The following TOPBP1 variants were observed in gnomAD, a reference collection of about 807,000 sequenced individuals.
TOPBP1 encodes the protein DNA topoisomerase II binding protein 1.
Under a neutral mutation model 167.7 loss-of-function variants are expected in TOPBP1, and 28 were observed. The observed-to-expected ratio is 0.17, with a 90% CI of 0.12 to 0.23. TOPBP1 has a LOEUF of 0.23. Ranked by LOEUF, TOPBP1 falls within the 10% of genes least tolerant of loss-of-function variation. The pLI, the probability that TOPBP1 is intolerant of heterozygous loss-of-function variation, is 1.00. For missense variants in TOPBP1, 1,554 were observed against 1,809.6 expected (o/e 0.86, Z 2.56); for synonymous variants, 598 against 611.4 (o/e 0.98, Z 0.32).
Position 133,658,961 on chromosome 3 carries a change from G to GC in TOPBP1, c.219+54dup, listed in dbSNP as rs1226717652. ...CCGCAAAGAATGTATGTCCATTAAA[G>GC]CAAAGATAAACCAAAAAATAGACTA... On this transcript the variant is annotated intron_variant, in intron 3 of 27. Coordinates refer to ENST00000260810, the MANE Select transcript of TOPBP1 (RefSeq NM_007027.4). 1.8e-5 allele frequency: 27 copies of GC among 1,521,236 alleles called. No individual in the cohort carries two copies. In the Middle Eastern group the frequency reaches 6.9e-4, roughly 39 times the overall value. The allele number at this position is 1,521,236 out of a possible 1,614,324, so 94.2% of individuals were successfully genotyped here. A position where few individuals can be genotyped will look rare whatever the true frequency, so the allele number is the denominator to read the frequency against.
chr3:133,628,326 T>C (rs1935335531), intron 16 of TOPBP1, 36 bp downstream of exon 16: 3 of 1,541,858 alleles, frequency 1.9e-6, no homozygotes, highest in African/African-American at 1.4e-5. Flanking sequence ...TAAATTTCAG[T>C]CATATCACCA....
At chr3:133,628,222 T>A in intron 16 of TOPBP1, 140 bp downstream of exon 16, 1 of 757,948 alleles carries the variant, frequency 1.3e-6, no homozygotes, top group East Asian at 2.7e-5. Flanking sequence ...ATGTGGTAAA[T>A]TAAAAATCAA....
chr3:133,623,441 T>G lies in TOPBP1; in HGVS notation c.2945A>C (p.Lys982Thr), dbSNP rs1482383417. ...HWLLDCAQEC[K>T]HLPESLYPHT... Reference sequence around the variant, plus strand: ...TGGATAAAGAGATTCAGGAAGATGTTTACACTCTTGGGCACACTGCAATAC... The same window carrying G: ...TGGATAAAGAGATTCAGGAAGATGTGTACACTCTTGGGCACACTGCAATAC... Residue 982 changes from lysine (K) to threonine (T), a missense_variant, in exon 18 of 28, where the codon AAA becomes ACA. Physicochemically the swap from Lys to Thr is moderately conservative, Grantham distance 78. Coordinates refer to ENST00000260810, the MANE Select transcript of TOPBP1 (RefSeq NM_007027.4). The G allele has an allele frequency of 6.2e-7, 1 of 1,611,576 alleles. No individual in the cohort carries two copies.
rs1161314271 is a variant in TOPBP1, at chr3:133,649,889, T to C, written c.1144A>G (p.Asn382Asp). 1 of 1,611,322 alleles carries C rather than the reference T, an allele frequency of 6.2e-7. No individual in the cohort carries two copies. Among genetic ancestry groups the C allele is most frequent in the East Asian group, 2.2e-5 (1 of 44,816 alleles). Residue 382 changes from asparagine (N) to aspartate (D), a missense_variant, in exon 9 of 28, where the codon AAC becomes GAC. By Grantham distance (23) the Asn-to-Asp change is conservative (BLOSUM62 1). Around this residue, in one of 3 missense-constraint regions of TOPBP1, gnomAD observed 1,197 missense variants for 1,351.5 expected, o/e 0.89. Coordinates refer to ENST00000260810, the MANE Select transcript of TOPBP1 (RefSeq NM_007027.4). ...RKLDKLRRLINSGGGVRFNQL... is the reference protein window; with the variant it reads ...RKLDKLRRLIDSGGGVRFNQL... ...TTAAAACGAACTCCACCTCCACTGT[T>C]AATAAGTCTTCTCAGTTTATCTAGC... is the stretch of plus-strand genomic sequence containing the variant.
chr3:133,653,200 A>G (rs1936360031), intron 7 of TOPBP1, 145 bp downstream of exon 7: 4 of 756,052 alleles, frequency 5.3e-6, no homozygotes, highest in Non-Finnish European at 7.7e-6. Context: ...CTTTTTATAC[A>G]ATTTGACTAT....
intron 8 of TOPBP1, among the ~76,000 whole-genome samples, chr3:133,651,053 C>T (rs577814877): frequency 2.7e-5 from 4 of 150,650 alleles, no homozygotes; most frequent in Non-Finnish European, 4.4e-5. Context: ...GCTGAGATCA[C>T]GCCACTGCAC....
chr3:133,631,120 T>C (rs1385704845), intron 14 of TOPBP1, among the ~76,000 whole-genome samples: 1 of 152,048 alleles, frequency 6.6e-6, no homozygotes, highest in African/African-American at 2.4e-5. Context: ...GCCCAGGAGG[T>C]CAAAGCTGCA....
rs1391693993 is a variant in TOPBP1, at chr3:133,617,148, G to A, written c.3759+12C>T. On this transcript the variant is annotated intron_variant, in intron 22 of 27. Coordinates refer to ENST00000260810, the MANE Select transcript of TOPBP1 (RefSeq NM_007027.4). The stretch of plus-strand genomic sequence containing the variant: ...TGCAAAAGCTGTATCACCATATTAA[G>A]GATCAACAAACCTTTTCTCTAGGGT... 3 of 1,596,616 alleles carry A rather than the reference G, an allele frequency of 1.9e-6. No homozygotes were observed. The South Asian group carries it at 3.4e-5, about 18-fold the overall frequency.
chr3:133,637,457 G>A (rs544797402), intron 14 of TOPBP1, among the ~76,000 whole-genome samples: 12 of 152,174 alleles, frequency 7.9e-5, no homozygotes, highest in South Asian at 4.1e-4. Context: ...GGCAAATCCC[G>A]GGTGTACTCT....
At chr3:133,617,110 C>A in intron 22 of TOPBP1, 50 bp downstream of exon 22, 1 of 1,541,346 alleles carries the variant, frequency 6.5e-7, no homozygotes, top group Admixed American at 2.2e-5. Flanking sequence ...TCTAATACAG[C>A]CTAACAGCAG....
intron 5 of TOPBP1, among the ~76,000 whole-genome samples, chr3:133,656,168 C>T (rs1936474116): frequency 6.6e-6 from 1 of 151,664 alleles, no homozygotes. Flanking sequence ...TTGCTTACTA[C>T]ATATACCTAA....
Position 133,626,646 on chromosome 3 carries a change from T to C in TOPBP1, c.2804+1716A>G, listed in dbSNP as rs562613021. 1.2e-4 allele frequency among the ~76,000 whole-genome samples: 18 copies of C among 152,322 alleles called. 1 individual carries two copies. In the East Asian group the frequency reaches 3.1e-3, roughly 26 times the overall value. On this transcript the variant is annotated intron_variant, in intron 16 of 27. Coordinates refer to ENST00000260810, the MANE Select transcript of TOPBP1 (RefSeq NM_007027.4). ...TGAGTCCCCAGATCGGTCTCAGCCT[T>C]GGGACTGTTGGATTTGTGGTGCCTT...
intron 23 of TOPBP1, among the ~76,000 whole-genome samples, chr3:133,613,010 C>T (rs1044790377): frequency 1.3e-5 from 2 of 152,120 alleles, no homozygotes; most frequent in Non-Finnish European, 2.9e-5. Flanking sequence ...CAGGCACACA[C>T]CACTATGGCC....
At chr3:133,614,993 T>TA (rs1364073298) in intron 23 of TOPBP1, among the ~76,000 whole-genome samples, 209 of 145,148 alleles carry the variant, frequency 1.4e-3, no homozygotes, top group South Asian at 0.014. Context: ...AATAAAAAAA[T>TA]AAAAAAAAAT....
chr3:133,621,331 AAC>A (rs1216690223), intron 19 of TOPBP1, among the ~76,000 whole-genome samples: 2 of 152,100 alleles, frequency 1.3e-5, no homozygotes, highest in Non-Finnish European at 2.9e-5. Context: ...GGCTCTTGAA[AAC>A]ACAGACCACA....
At chr3:133,618,499 G>A in intron 20 of TOPBP1, 66 bp from the exon 21 acceptor site, 2 of 1,491,634 alleles carry the variant, frequency 1.3e-6, no homozygotes, top group Non-Finnish European at 1.8e-6. Context: ...AAATCCATAA[G>A]TTAGACCATA....
chr3:133,657,449 T>C (rs1936518136), intron 4 of TOPBP1, among the ~76,000 whole-genome samples: 2 of 151,598 alleles, frequency 1.3e-5, no homozygotes, highest in African/African-American at 2.4e-5. Flanking sequence ...TGGCGTGATG[T>C]TGGCTCACTG....
At position 133,656,872 on chromosome 3, in the gene TOPBP1, G is replaced by A; in HGVS notation, c.364-15C>T. 6.5e-7 allele frequency: 1 copy of A among 1,549,922 alleles called. No homozygotes were observed. Among genetic ancestry groups the A allele is most frequent in the East Asian group, 2.3e-5 (1 of 42,768 alleles). On this transcript the variant is annotated splice_polypyrimidine_tract_variant and intron_variant, in intron 4 of 27. Coordinates refer to ENST00000260810, the MANE Select transcript of TOPBP1 (RefSeq NM_007027.4). ...TGAACTTCTTCCTGCAGCCCCAAAA[G>A]AGAACACATTAATGCTGAAGCAAAC...
At position 133,602,767 on chromosome 3, in the gene TOPBP1, A is replaced by C. The variant is rs536956274; in HGVS notation, c.4426-1374T>G. On this transcript the variant is annotated intron_variant, in intron 27 of 27. Coordinates refer to ENST00000260810, the MANE Select transcript of TOPBP1 (RefSeq NM_007027.4). Reference sequence around the variant, plus strand: ...GAATGAGTATGGCTGTTTTCCAACAAACCTTTATTTATAAAATAGGCAGTG... The same window carrying C: ...GAATGAGTATGGCTGTTTTCCAACACACCTTTATTTATAAAATAGGCAGTG... Among the ~76,000 whole-genome samples the C allele has an allele frequency of 5.9e-3, 892 of 152,334 alleles. 3 individuals are homozygous for C. Among genetic ancestry groups the C allele is most frequent in the Non-Finnish European group, 8.7e-3 (591 of 68,038 alleles).
Sources: allele counts gnomAD v4.1 joint callset (sites outside exome capture counted in the v4.1 genomes callset), GRCh38; gene constraint gnomAD v4.1.1; regional missense constraint gnomAD v4.1.1; transcripts MANE v1.5; gene names NCBI Gene and HGNC (gene_info 2026-07-23, HGNC 2026-07-21).